The following SLC8A1 variants were observed in gnomAD, a reference collection of about 807,000 sequenced individuals.
The protein encoded by SLC8A1 is solute carrier family 8 member A1.
Under a neutral mutation model 68.3 loss-of-function variants are expected in SLC8A1, and 18 were observed. That is an observed-to-expected ratio of 0.26 (90% CI 0.18 to 0.39). The LOEUF (loss-of-function observed/expected upper bound fraction) is 0.39. SLC8A1 is among the 10% of genes least tolerant of loss of function. SLC8A1 has a pLI of 1.00. For missense variants in SLC8A1, 985 were observed against 1,156.7 expected (o/e 0.85, Z 2.15); for synonymous variants, 475 against 415.5 (o/e 1.14, Z -1.74).
Position 40,501,542 on chromosome 2 carries a change from T to C in SLC8A1, c.-25+10807A>G, listed in dbSNP as rs548553586. On this transcript the variant is annotated intron_variant, in intron 1 of 7. Coordinates refer to the SLC8A1 transcript ENST00000402441. ...CTTCTTTTGATGAATATGGATGCAA[T>C]CTACCTTTCTTTGGGAAATGTATCT... Among the ~76,000 whole-genome samples the C allele has an allele frequency of 8.1e-4, 124 of 152,260 alleles. 1 individual carries two copies. Among genetic ancestry groups the C allele is most frequent in the African/African-American group, 2.9e-3 (119 of 41,562 alleles).
chr2:40,423,933 T>G (rs1305113387), intron 2 of SLC8A1, among the ~76,000 whole-genome samples: 3 of 152,026 alleles, frequency 2.0e-5, no homozygotes, highest in Admixed American at 6.6e-5. Context: ...TATTCTGTTC[T>G]GAAAAGATAA....
At chr2:40,427,496 C>G (rs1260255390) in intron 2 of SLC8A1, among the ~76,000 whole-genome samples, 1 of 151,986 alleles carries the variant, frequency 6.6e-6, no homozygotes, top group Non-Finnish European at 1.5e-5. Flanking sequence ...GTCAGCCTCC[C>G]TCCCTCTCTC....
intron 2 of SLC8A1, among the ~76,000 whole-genome samples, chr2:40,302,286 C>T: frequency 6.6e-6 from 1 of 151,932 alleles, no homozygotes; most frequent in Non-Finnish European, 1.5e-5. Flanking sequence ...CCTTTGCATC[C>T]TCATAGCTTA....
chr2:40,257,174 G>A lies in SLC8A1; in HGVS notation c.1809-79319C>T, dbSNP rs147862690. Among the ~76,000 whole-genome samples, 893 of 152,142 alleles carry A rather than the reference G, an allele frequency of 5.9e-3. 8 individuals carry two copies. The highest frequency in any genetic ancestry group is 0.02 in the African/African-American group (844 of 41,510). ...TTAATTGGGCTTTAGCTAAATGCAT[G>A]ATGAAAATCATTTTCAGATCTTAGC... is the stretch of plus-strand genomic sequence containing the variant. On this transcript the variant is annotated intron_variant, in intron 2 of 7. Transcript: ENST00000406785.
intron 2 of SLC8A1, among the ~76,000 whole-genome samples, chr2:40,269,159 C>T (rs2149127372): frequency 6.6e-6 from 1 of 152,308 alleles, no homozygotes; most frequent in African/African-American, 2.4e-5. Context: ...AAGAACTTTA[C>T]TTCGTCAATC....
intron 2 of SLC8A1, among the ~76,000 whole-genome samples, chr2:40,211,045 T>TTTGTC (rs2056494099): frequency 6.6e-6 from 1 of 152,216 alleles, no homozygotes; most frequent in Non-Finnish European, 1.5e-5. Context: ...GAAGTAGGTC[T>TTTGTC]TTGTCTTTCC....
chr2:40,314,901 T>C (rs1015130149), intron 2 of SLC8A1, among the ~76,000 whole-genome samples: 2 of 152,064 alleles, frequency 1.3e-5, no homozygotes, highest in East Asian at 3.8e-4. Context: ...TTACAGATTT[T>C]TATCAGATTT....
chr2:40,241,319 G>T (rs1357975097), intron 2 of SLC8A1, among the ~76,000 whole-genome samples: 1 of 151,976 alleles, frequency 6.6e-6, no homozygotes, highest in Non-Finnish European at 1.5e-5. Context: ...GGACATAAAC[G>T]TGGGTATAAT....
At chr2:40,451,434 C>G (rs529810879) in intron 1 of SLC8A1, among the ~76,000 whole-genome samples, 4 of 152,158 alleles carry the variant, frequency 2.6e-5, no homozygotes, top group African/African-American at 9.7e-5. Flanking sequence ...GGAAATGTGG[C>G]CTTGGGGAAA....
intron 2 of SLC8A1, among the ~76,000 whole-genome samples, chr2:40,224,463 G>A (rs554366881): frequency 6.6e-6 from 1 of 152,182 alleles, no homozygotes; most frequent in Admixed American, 6.5e-5. Flanking sequence ...CGTCATAGCT[G>A]GAGAATAAGA....
At chr2:40,433,243 T>C (rs2149798432) in intron 1 of SLC8A1, among the ~76,000 whole-genome samples, 1 of 152,282 alleles carries the variant, frequency 6.6e-6, no homozygotes, top group Non-Finnish European at 1.5e-5. Context: ...TTCTAAGACC[T>C]TTTATGATCT....
At chr2:40,328,644 C>G (rs2076095381) in intron 2 of SLC8A1, among the ~76,000 whole-genome samples, 1 of 152,166 alleles carries the variant, frequency 6.6e-6, no homozygotes, top group Non-Finnish European at 1.5e-5. Flanking sequence ...AAACTGAACT[C>G]TTTCTGTGGT....
chr2:40,233,131 G>C (rs1341511510), intron 2 of SLC8A1, among the ~76,000 whole-genome samples: 4 of 152,076 alleles, frequency 2.6e-5, no homozygotes, highest in African/African-American at 9.7e-5. Flanking sequence ...GGATGGCTGG[G>C]TCAAATGGTG....
chr2:40,409,719 C>A (rs1397786599), intron 2 of SLC8A1, among the ~76,000 whole-genome samples: 1 of 152,126 alleles, frequency 6.6e-6, no homozygotes, highest in African/African-American at 2.4e-5. Flanking sequence ...TAGAAATCAT[C>A]TTGCTCAAAA....
At chr2:40,317,747 TAAA>T (rs1186853689) in intron 2 of SLC8A1, among the ~76,000 whole-genome samples, 1 of 152,086 alleles carries the variant, frequency 6.6e-6, no homozygotes, top group Non-Finnish European at 1.5e-5. Flanking sequence ...TGCCCTTACT[TAAA>T]AAATTTATTC....
At chr2:40,248,857 A>AGTT (rs749505271) in intron 2 of SLC8A1, among the ~76,000 whole-genome samples, 3 of 152,110 alleles carry the variant, frequency 2.0e-5, no homozygotes, top group Non-Finnish European at 4.4e-5. Flanking sequence ...GGTTGGACGG[A>AGTT]GTTGTATTAT....
chr2:40,198,607 G>T (rs1558713662), intron 2 of SLC8A1, among the ~76,000 whole-genome samples: 1 of 151,926 alleles, frequency 6.6e-6, no homozygotes, highest in Non-Finnish European at 1.5e-5. Flanking sequence ...AGTGAGAAAT[G>T]AATTCCACAG....
At chr2:40,134,391 C>T (rs1316423425) in intron 7 of SLC8A1, among the ~76,000 whole-genome samples, 2 of 152,036 alleles carry the variant, frequency 1.3e-5, no homozygotes, top group African/African-American at 4.8e-5. Context: ...CGCACCTGGT[C>T]TACCTAAAGT....
At chr2:40,196,518 T>C (rs1465158579) in intron 2 of SLC8A1, among the ~76,000 whole-genome samples, 1 of 151,908 alleles carries the variant, frequency 6.6e-6, no homozygotes, top group African/African-American at 2.4e-5. Context: ...AGATTCCTTG[T>C]CGTTATCATC....
Sources: gnomAD v4.1 joint callset for allele counts (sites outside exome capture counted in the v4.1 genomes callset) on GRCh38, gnomAD v4.1.1 for gene constraint, MANE v1.5 for transcripts, NCBI Gene and HGNC (gene_info 2026-07-23, HGNC 2026-07-21) for gene names.